ANPEP: variants seen among roughly 807,000 people sequenced by gnomAD.
The protein encoded by ANPEP is aminopeptidase N.
A neutral mutation model predicts 114.6 loss-of-function variants in ANPEP; 70 were observed. That is an observed-to-expected ratio of 0.61 (90% confidence interval 0.50 to 0.75). The LOEUF (loss-of-function observed/expected upper bound fraction) is 0.75, where lower values mean the gene tolerates loss of function less well. ANPEP is among the 30% of genes least tolerant of loss of function. The pLI is 0.00. For missense variants in ANPEP, 1,184 were observed against 1,259.5 expected (o/e 0.94, Z 0.91); for synonymous variants, 548 against 522.3 (o/e 1.05, Z -0.67).
intron 1 of ANPEP, among the ~76,000 whole-genome samples, chr15:89,813,991 T>TG (rs201152904): frequency 0.055 from 6,115 of 111,544 alleles, 466 homozygotes; most frequent in South Asian, 0.095. Flanking sequence ...ACCGCACTGC[T>TG]GGGGGGGGGG....
intron 18 of ANPEP, 45 bp downstream of exon 18, chr15:89,792,115 G>A (rs935083208): frequency 1.3e-6 from 2 of 1,585,122 alleles, no homozygotes; most frequent in African/African-American, 2.7e-5. Flanking sequence ...TGGTTCTCCA[G>A]GTGGGGAGAG....
In ANPEP at chr15:89,801,462, G is replaced by A; in HGVS notation, c.1715C>T (p.Ser572Phe). ...GAATTCTGAGGGGCGGGTAACATTG[G>A]AATCGGGGTCAAGGAGGAAGTGCTC... ...SQEHFLLDPD[S>F]NVTRPSEFNY... is the part of the protein sequence containing the mutation. The change falls in exon 11 of 21, where the codon TCC becomes TTC. Residue 572 changes from serine to phenylalanine, a missense_variant. Transcript: ENST00000300060. 1.2e-6 allele frequency: 2 copies of A among 1,614,202 alleles called. No individual in the cohort carries two copies. Among genetic ancestry groups the A allele is most frequent in the Non-Finnish European group, 1.7e-6 (2 of 1,180,006 alleles).
At chr15:89,792,687 C>G (rs1388974227) in intron 16 of ANPEP, 125 bp from the exon 17 acceptor site, 2 of 805,290 alleles carry the variant, frequency 2.5e-6, no homozygotes, top group African/African-American at 1.7e-5. Flanking sequence ...CTCTGACCCC[C>G]GCTGTATGTG....
chr15:89,803,746 C>T lies in ANPEP; in HGVS notation c.1338G>A (p.Val446=), dbSNP rs531127653. ...VLNDVYRVMA[V]DALASSHPLS... Reference sequence around the variant, plus strand: ...GCGGGTGGGAGGAGGCCAGTGCATCCACTGCCATCACGCGGTACACATCAT... The same window carrying T: ...GCGGGTGGGAGGAGGCCAGTGCATCTACTGCCATCACGCGGTACACATCAT... The change falls in exon 8 of 21, where the codon GTG becomes GTA. Residue 446 remains valine (V), a synonymous_variant. Coordinates refer to ENST00000300060, the MANE Select transcript of ANPEP (RefSeq NM_001150.3). This position sits in a 1 kb window ranked among gnomAD's most constrained non-coding sequence, Gnocchi z 4.2. 3 of 1,611,164 alleles carry T rather than the reference C, an allele frequency of 1.9e-6. No homozygotes were observed. Among genetic ancestry groups the T allele is most frequent in the South Asian group, 2.2e-5 (2 of 90,828 alleles).
intron 20 of ANPEP, among the ~76,000 whole-genome samples, chr15:89,787,037 A>T (rs112685910): frequency 2.4e-3 from 334 of 140,952 alleles, no homozygotes; most frequent in Middle Eastern, 0.015. Flanking sequence ...ACATAATAAA[A>T]CTCTTTTTTT....
At chr15:89,794,073 A>T (rs1968683595) in intron 15 of ANPEP, among the ~76,000 whole-genome samples, 1 of 152,220 alleles carries the variant, frequency 6.6e-6, no homozygotes, top group South Asian at 2.1e-4. Context: ...TAGTTTAGGC[A>T]GCTGGGACGC....
At chr15:89,791,835 G>A (rs1411246148) in intron 18 of ANPEP, among the ~76,000 whole-genome samples, 1 of 152,062 alleles carries the variant, frequency 6.6e-6, no homozygotes, top group East Asian at 1.9e-4. Context: ...CCAAGGGCTT[G>A]AGGGGGTGCC....
rs1356006108 is a variant in ANPEP, at chr15:89,792,226, A to G, written c.2462T>C (p.Leu821Pro). 1 of 1,614,184 alleles carries G rather than the reference A, an allele frequency of 6.2e-7. No individual in the cohort carries two copies. Among genetic ancestry groups the G allele is most frequent in the Non-Finnish European group, 8.5e-7 (1 of 1,180,024 alleles). ...CCGGAGCTTGTCAGCCTCATTGACCAGTGTGGCATTTCGGAACTGCTCCCA... is the reference window on the plus strand; with the variant it reads ...CCGGAGCTTGTCAGCCTCATTGACCGGTGTGGCATTTCGGAACTGCTCCCA... Reference protein sequence around the residue: ...FAWEQFRNATLVNEADKLRAA... With the variant: ...FAWEQFRNATPVNEADKLRAA... Residue 821 changes from leucine to proline, a missense_variant, in exon 18 of 21, where the codon CTG (leucine) becomes CCG (proline). Transcript: ENST00000300060.
At chr15:89,807,060 T>A (rs1235880110) in intron 1 of ANPEP, 1 of 157,468 alleles carries the variant, frequency 6.4e-6, no homozygotes, top group Non-Finnish European at 1.4e-5. Context: ...AAGAACACAC[T>A]GGGGTCACCC....
In ANPEP at chr15:89,801,079, G is replaced by A. The variant is rs747084528; in HGVS notation, c.1819+32C>T. On this transcript the variant is annotated intron_variant, in intron 12 of 20. Transcript: ENST00000300060. ...GCCAGGAGCTAGGAGTATGGGGTGG[G>A]GGCTGCTGCCCATAAGGCAGGGCTG... The A allele has an allele frequency of 2.5e-6, 4 of 1,598,228 alleles. No individual in the cohort carries two copies. In the Admixed American group the frequency reaches 6.7e-5, roughly 27 times the overall value.
In ANPEP at chr15:89,804,757, G is replaced by C. The variant is rs2305444; in HGVS notation, c.898-140C>G. On this transcript the variant is annotated intron_variant, in intron 4 of 20. Transcript: ENST00000300060. Reference sequence around the variant, plus strand: ...CCAATCAAGCTAAACCTAGAGGCCTGGTCAGCAGAGGGGAACGCTACTGGG... The same window carrying C: ...CCAATCAAGCTAAACCTAGAGGCCTCGTCAGCAGAGGGGAACGCTACTGGG... 1.5e-3 allele frequency: 1,789 copies of C among 1,222,346 alleles called. 30 individuals are homozygous for C. The East Asian group carries it at 0.037, about 25-fold the overall frequency. 75.7% of individuals were successfully genotyped at this position (1,222,346 alleles called of 1,614,324 possible).
At position 89,803,429 on chromosome 15, in the gene ANPEP, G is replaced by A. The variant is rs1048249540; in HGVS notation, c.1503+13C>T. 6 of 1,608,648 alleles carry A rather than the reference G, an allele frequency of 3.7e-6. No individual in the cohort carries two copies. In the African/African-American group the frequency reaches 5.3e-5, roughly 14 times the overall value. ...GACCCACCCTCATGGCTGGCCCAGGGTGCAGTACTCACCGCCAGGCCCTGC... is the reference window on the plus strand; with the variant it reads ...GACCCACCCTCATGGCTGGCCCAGGATGCAGTACTCACCGCCAGGCCCTGC... On this transcript the variant is annotated intron_variant, in intron 9 of 20. Coordinates refer to ENST00000300060, the MANE Select transcript of ANPEP (RefSeq NM_001150.3). The surrounding 1 kb of genome is among the most constrained non-coding windows in gnomAD (Gnocchi z 4.2).
chr15:89,803,827 G>A lies in ANPEP; in HGVS notation c.1294-37C>T. On this transcript the variant is annotated intron_variant, in intron 7 of 20. Transcript: ENST00000300060. This position sits in a 1 kb window ranked among gnomAD's most constrained non-coding sequence, Gnocchi z 4.2. ...CCAGGGCCATCAGGAGACTGGCCTG[G>A]TAGCGGTGGCCCAGGTCTCCCTCCA... 2 of 1,612,120 alleles carry A rather than the reference G, an allele frequency of 1.2e-6. No homozygotes were observed. Among genetic ancestry groups the A allele is most frequent in the South Asian group, 2.2e-5 (2 of 90,990 alleles).
At chr15:89,801,762 G>C (rs959492261) in intron 10 of ANPEP, among the ~76,000 whole-genome samples, 155 bp from the exon 11 acceptor site, 2 of 152,208 alleles carry the variant, frequency 1.3e-5, no homozygotes, top group African/African-American at 4.8e-5. Flanking sequence ...CCAGGGTACC[G>C]TCCAGCTCTG....
At chr15:89,814,614 C>T (rs1894875289) in intron 1 of ANPEP, among the ~76,000 whole-genome samples, 158 bp downstream of exon 1, 1 of 152,204 alleles carries the variant, frequency 6.6e-6, no homozygotes, top group African/African-American at 2.4e-5. Flanking sequence ...TTTCCCTGGC[C>T]CTCAGTTTAC....
chr15:89,801,193 A>C lies in ANPEP; in HGVS notation c.1743-6T>G. ...TGGGCACAATCCACACGTAGCTGCAATTAAAGATCCAGAGGTGGTGAGAGA... is the reference window on the plus strand; with the variant it reads ...TGGGCACAATCCACACGTAGCTGCACTTAAAGATCCAGAGGTGGTGAGAGA... On this transcript the variant is annotated splice_polypyrimidine_tract_variant and splice_region_variant and intron_variant, in intron 11 of 20. Transcript: ENST00000300060. The C allele has an allele frequency of 6.2e-7, 1 of 1,614,064 alleles. No individual in the cohort carries two copies. The highest frequency in any genetic ancestry group is 1.1e-5 in the South Asian group (1 of 91,066).
intron 20 of ANPEP, among the ~76,000 whole-genome samples, chr15:89,790,049 A>C (rs1028866202): frequency 6.9e-6 from 1 of 144,878 alleles, no homozygotes; most frequent in East Asian, 2.0e-4. Context: ...ACAGAGCAAG[A>C]CTCCATCTCA....
chr15:89,801,299 A>T (rs1596166596), intron 11 of ANPEP, 112 bp from the exon 12 acceptor site: 1 of 1,542,292 alleles, frequency 6.5e-7, no homozygotes, highest in Non-Finnish European at 8.9e-7. Flanking sequence ...GTGCCCCTGA[A>T]CTCCTGGCTC....
chr15:89,807,503 A>T (rs1392129372), intron 1 of ANPEP, among the ~76,000 whole-genome samples: 1 of 152,188 alleles, frequency 6.6e-6, no homozygotes. Context: ...GTTCAAGACC[A>T]GCCTGGCCAA....
Sources: gnomAD v4.1 joint callset for allele counts (sites outside exome capture counted in the v4.1 genomes callset) on GRCh38, gnomAD v4.1.1 for gene constraint, Gnocchi (gnomAD v3.1) non-coding constraint, MANE v1.5 for transcripts, NCBI Gene and HGNC (gene_info 2026-07-23, HGNC 2026-07-21) for gene names.